Variants in IKZF1 observed in about 807,000 individuals in gnomAD.
IKZF1 encodes IKAROS family zinc finger 1.
IKZF1 carries 10 observed loss-of-function variants against 51.7 expected under a neutral mutation model. The observed-to-expected ratio is 0.19, with a 90% confidence interval of 0.12 to 0.33. The LOEUF (loss-of-function observed/expected upper bound fraction) is 0.33. Among genes scored for constraint, IKZF1 ranks in the 10% least tolerant of loss-of-function variants. IKZF1 has a pLI of 1.00. For missense variants in IKZF1, 484 were observed against 707.5 expected, an observed-to-expected ratio of 0.68 and a Z score of 3.58; for synonymous variants, 280 against 282.3, an observed-to-expected ratio of 0.99 and a Z score of 0.08.
intron 3 of IKZF1, among the ~76,000 whole-genome samples, chr7:50,363,747 T>C (rs534419942): frequency 4.1e-4 from 63 of 152,342 alleles, no homozygotes; most frequent in Middle Eastern, 3.4e-3. Flanking sequence ...AAGGTTTTCA[T>C]AGAATCTTGA....
At chr7:50,371,817 G>A (rs114837160) in intron 3 of IKZF1, among the ~76,000 whole-genome samples, 420 of 152,302 alleles carry the variant, frequency 2.8e-3, no homozygotes, top group Non-Finnish European at 4.8e-3. Context: ...GGAGGCGTGC[G>A]TACAGCCTGG....
At chr7:50,356,367 A>AT (rs2153437963) in intron 3 of IKZF1, among the ~76,000 whole-genome samples, 1 of 152,310 alleles carries the variant, frequency 6.6e-6, no homozygotes, top group Non-Finnish European at 1.5e-5. Flanking sequence ...TGGACCATAG[A>AT]GTGAACTTGT....
intron 4 of IKZF1, among the ~76,000 whole-genome samples, chr7:50,381,933 T>C (rs1272520355): frequency 6.6e-6 from 1 of 152,210 alleles, no homozygotes; most frequent in East Asian, 1.9e-4. Flanking sequence ...GCTCTCTGTC[T>C]GTCTCTCTCC....
chr7:50,385,492 G>T (rs1813114094), intron 5 of IKZF1, among the ~76,000 whole-genome samples: 1 of 152,122 alleles, frequency 6.6e-6, no homozygotes, highest in Admixed American at 6.6e-5. Context: ...AGCTGGAGGG[G>T]TGGAGAAGTG....
At chr7:50,366,613 T>A (rs930585585) in intron 3 of IKZF1, among the ~76,000 whole-genome samples, 2 of 152,246 alleles carry the variant, frequency 1.3e-5, no homozygotes, top group East Asian at 3.8e-4. Context: ...ATCAGCATGA[T>A]CAGCAATATA....
chr7:50,397,097 AG>A (rs1193966369), intron 7 of IKZF1, among the ~76,000 whole-genome samples: 1 of 152,226 alleles, frequency 6.6e-6, no homozygotes, highest in Non-Finnish European at 1.5e-5. Context: ...GAAAATTCTG[AG>A]GTTATTCTTG....
chr7:50,397,394 T>G (rs1205863987), intron 7 of IKZF1, among the ~76,000 whole-genome samples: 1 of 152,240 alleles, frequency 6.6e-6, no homozygotes, highest in African/African-American at 2.4e-5. Flanking sequence ...TGTGGCACAG[T>G]AATCTGGCAT....
intron 7 of IKZF1, chr7:50,393,855 G>A (rs1169280125): frequency 4.3e-6 from 1 of 232,982 alleles, no homozygotes; most frequent in Non-Finnish European, 8.5e-6. Context: ...GTGTGTGCAA[G>A]GGGAGTGAAG....
rs183046754 is a variant in IKZF1 at position 50,374,869 on chromosome 7, G to A, written c.161-1664G>A. ...TGTCTGGACTGTAGATCTCTAAATC[G>A]AGAGGAACTCCCTGAATAAAATAAG... is the stretch of plus-strand genomic sequence containing the variant. On this transcript the variant is annotated intron_variant, in intron 3 of 7. Coordinates refer to ENST00000331340, the MANE Select transcript of IKZF1 (RefSeq NM_006060.6). 5.3e-5 allele frequency among the ~76,000 whole-genome samples: 8 copies of A among 152,022 alleles called. No individual in the cohort carries two copies. The South Asian group carries it at 1.2e-3, about 24-fold the overall frequency.
Position 50,382,499 on chromosome 7 carries a change from G to A in IKZF1, c.422-41G>A, listed in dbSNP as rs368063671. ...CGTAGCATCGTCCTCATGTCCCCAC[G>A]CTGAGTTTAGTTCTCACCAGCTCTC... is the stretch of plus-strand genomic sequence containing the variant. On this transcript the variant is annotated intron_variant, in intron 4 of 7. Transcript: ENST00000331340. 3.6e-4 allele frequency: 569 copies of A among 1,581,754 alleles called. 5 individuals carry two copies. The Middle Eastern group carries it at 0.011, about 29-fold the overall frequency.
intron 3 of IKZF1, among the ~76,000 whole-genome samples, chr7:50,345,753 A>G (rs1297433644): frequency 6.6e-6 from 1 of 152,208 alleles, no homozygotes; most frequent in African/African-American, 2.4e-5. Flanking sequence ...CCCACAAGCA[A>G]TTCTGCCTGG....
intron 1 of IKZF1, among the ~76,000 whole-genome samples, chr7:50,312,542 G>C (rs1375514320): frequency 6.6e-6 from 1 of 152,178 alleles, no homozygotes; most frequent in Admixed American, 6.5e-5. Flanking sequence ...TACAGTATCT[G>C]CCATCTTTTC....
chr7:50,338,005 A>G (rs1057161479), intron 3 of IKZF1, among the ~76,000 whole-genome samples: 10 of 152,202 alleles, frequency 6.6e-5, no homozygotes, highest in Non-Finnish European at 1.0e-4. Flanking sequence ...AGCTTTGAAA[A>G]TTCAGAAGGG....
chr7:50,358,777 G>A (rs1804300081), intron 3 of IKZF1, among the ~76,000 whole-genome samples: 1 of 152,068 alleles, frequency 6.6e-6, no homozygotes, highest in Non-Finnish European at 1.5e-5. Flanking sequence ...GGTGGAGGAA[G>A]AGAGAAGGGA....
intron 3 of IKZF1, among the ~76,000 whole-genome samples, chr7:50,366,935 T>C (rs1424754184): frequency 6.6e-6 from 1 of 152,168 alleles, no homozygotes. Context: ...TTCATAATAT[T>C]GACTTTATCC....
At chr7:50,355,118 T>C (rs1200925822) in intron 3 of IKZF1, among the ~76,000 whole-genome samples, 2 of 152,078 alleles carry the variant, frequency 1.3e-5, no homozygotes, top group South Asian at 4.2e-4. Context: ...TCAGTCTCCA[T>C]CAGGCAAATC....
chr7:50,390,649 C>T (rs1030805206), intron 6 of IKZF1, among the ~76,000 whole-genome samples: 2 of 152,192 alleles, frequency 1.3e-5, no homozygotes, highest in African/African-American at 2.4e-5. Flanking sequence ...ATTAGTGTAT[C>T]ATTTCAACAT....
intron 3 of IKZF1, among the ~76,000 whole-genome samples, chr7:50,329,218 G>A (rs745873281): frequency 2.6e-5 from 4 of 151,672 alleles, no homozygotes; most frequent in Non-Finnish European, 5.9e-5. Flanking sequence ...TAAAGATGGT[G>A]GCTAAAGCCA....
intron 3 of IKZF1, among the ~76,000 whole-genome samples, chr7:50,338,552 C>T (rs1443143671): frequency 1.3e-5 from 2 of 152,216 alleles, no homozygotes; most frequent in African/African-American, 4.8e-5. Flanking sequence ...CAGTTGCCAC[C>T]TGTCCCCCTA....
Sources: allele counts gnomAD v4.1 joint callset (sites outside exome capture counted in the v4.1 genomes callset), GRCh38; gene constraint gnomAD v4.1.1; transcripts MANE v1.5; gene names NCBI Gene and HGNC (gene_info 2026-07-23, HGNC 2026-07-21).